MACF1: variants seen among roughly 807,000 people sequenced by gnomAD.
MACF1 encodes microtubule actin crosslinking factor 1, also known as microtubule-actin cross-linking factor 1.
Under a neutral mutation model 854.8 loss-of-function variants are expected in MACF1, and 193 were observed. The ratio of observed to expected loss-of-function variants is 0.23; its 90% CI spans 0.20 to 0.25. The LOEUF is 0.25. MACF1 is among the 10% of genes least tolerant of loss of function. The probability of loss-of-function intolerance (pLI) is 1.00; values close to 1 mark genes in which losing one functional copy is unlikely to be tolerated. For synonymous variants in MACF1, 3,185 were observed against 3,226.7 expected, an observed-to-expected ratio of 0.99 and a Z score of 0.44; for missense variants, 7,722 against 8,929.1, an observed-to-expected ratio of 0.86 and a Z score of 5.45.
At chr1:39,454,516 G>A (rs992271437) in intron 88 of MACF1, among the ~76,000 whole-genome samples, 2 of 152,158 alleles carry the variant, frequency 1.3e-5, no homozygotes, top group Non-Finnish European at 2.9e-5. Context: ...AAGTCATTGT[G>A]TTGGCCGGGA....
intron 2 of MACF1, among the ~76,000 whole-genome samples, chr1:39,194,331 CTTTTCTTTTCTTTTCTTTTCTT>C (rs1557510672): frequency 1.6e-5 from 1 of 63,212 alleles, no homozygotes; most frequent in Non-Finnish European, 3.1e-5. Flanking sequence ...CTTTTCTTTT[CTTTTCTTTTCTTTTCTTTTCTT>C]TTTTTTTTTT....
At chr1:39,310,543 T>A in intron 25 of MACF1, 115 bp downstream of exon 25, 1 of 1,142,612 alleles carries the variant, frequency 8.8e-7, no homozygotes, top group Non-Finnish European at 1.2e-6. Context: ...TCCATTTGAG[T>A]AGCTACGAAC....
chr1:39,238,148 G>A (rs2254449), intron 2 of MACF1, among the ~76,000 whole-genome samples: 8,394 of 152,260 alleles, frequency 0.055, 295 homozygotes, highest in African/African-American at 0.097. Context: ...TCATCTCTTA[G>A]ATGAAGGGAA....
At chr1:39,179,222 C>T (rs967841165) in intron 2 of MACF1, among the ~76,000 whole-genome samples, 14 of 152,324 alleles carry the variant, frequency 9.2e-5, no homozygotes, top group Non-Finnish European at 1.5e-4. Context: ...TGCTCATATT[C>T]CACCCCTTCC....
chr1:39,377,722 G>T (rs1411166204), intron 52 of MACF1, among the ~76,000 whole-genome samples: 3 of 152,118 alleles, frequency 2.0e-5, no homozygotes, highest in African/African-American at 7.2e-5. Context: ...CTGCTTTTTA[G>T]GCCAGGCACG....
In MACF1 at chr1:39,347,040, T is replaced by C; in HGVS notation, c.10645T>C (p.Phe3549Leu). ...QLDALAFDIQ[F>L]FISEHAQDLS... is the part of the protein sequence containing the mutation. ...GGATGCTCTTGCTTTTGATATTCAG[T>C]TCTTTATCTCAGAACATGCCCAGGA... The change falls in exon 41 of 101, where the codon TTC (phenylalanine) becomes CTC (leucine). Residue 3549 changes from phenylalanine (F) to leucine (L), a missense_variant. By Grantham distance (22) the Phe-to-Leu change is conservative (BLOSUM62 0). Around this residue, in one of 15 missense-constraint regions of MACF1, gnomAD observed 854 missense variants for 852.6 expected, o/e 1.00. Transcript: ENST00000564288. The C allele has an allele frequency of 1.2e-6, 2 of 1,614,170 alleles. No individual in the cohort carries two copies. The highest frequency in any genetic ancestry group is 1.3e-5 in the African/African-American group (1 of 75,054).
At chr1:39,118,318 G>A (rs972132892) in intron 2 of MACF1, among the ~76,000 whole-genome samples, 4 of 152,006 alleles carry the variant, frequency 2.6e-5, no homozygotes, top group African/African-American at 9.7e-5. Context: ...CACCTCTAGA[G>A]GGGAAGAATG....
intron 97 of MACF1, among the ~76,000 whole-genome samples, chr1:39,476,528 G>A (rs927624821): frequency 6.6e-6 from 1 of 151,518 alleles, no homozygotes; most frequent in African/African-American, 2.4e-5. Flanking sequence ...CCAAGATTGG[G>A]CCACTGCACT....
intron 2 of MACF1, among the ~76,000 whole-genome samples, chr1:39,187,977 T>TCTCCC (rs71057197): frequency 1.8e-4 from 21 of 118,474 alleles, no homozygotes; most frequent in African/African-American, 6.5e-4. Context: ...TCTCCCCTCC[T>TCTCCC]CTCCCCTCCC....
intron 91 of MACF1, chr1:39,459,892 G>A: frequency 5.6e-6 from 7 of 1,243,528 alleles, no homozygotes; most frequent in Non-Finnish European, 7.5e-6. Context: ...AAGCTTATTG[G>A]GTTCTTGGTG....
At chr1:39,216,246 T>G (rs984889225) in intron 1 of MACF1, among the ~76,000 whole-genome samples, 2 of 152,252 alleles carry the variant, frequency 1.3e-5, no homozygotes, top group African/African-American at 4.8e-5. Context: ...TGTTAAAATA[T>G]CCTTTATTTT....
chr1:39,359,692 C>T (rs1458325076), intron 47 of MACF1, among the ~76,000 whole-genome samples: 6 of 151,678 alleles, frequency 4.0e-5, no homozygotes, highest in Admixed American at 2.6e-4. Context: ...GTATACAGGC[C>T]GGGCGTGGTG....
chr1:39,435,725 C>T lies in MACF1; in HGVS notation c.17952C>T (p.Ala5984=). The stretch of plus-strand genomic sequence containing the variant: ...TAAAGGAGGAGGTGCGCCAGCGAGC[C>T]CTGGCTCTGGATGAAGCCGTGTCCC... The part of the protein sequence containing the change: ...AQIKEEVRQR[A]LALDEAVSQS... The change falls in exon 70 of 101, where the codon GCC becomes GCT. Residue 5984 remains alanine (A), a synonymous_variant. Coordinates refer to ENST00000564288, the MANE Select transcript of MACF1 (RefSeq NM_001394062.1). 1.9e-6 allele frequency: 3 copies of T among 1,614,044 alleles called. No individual in the cohort carries two copies. Among genetic ancestry groups the T allele is most frequent in the Non-Finnish European group, 2.5e-6 (3 of 1,179,992 alleles).
At chr1:39,329,461 C>T (rs1646678366) in intron 36 of MACF1, among the ~76,000 whole-genome samples, 1 of 152,114 alleles carries the variant, frequency 6.6e-6, no homozygotes, top group African/African-American at 2.4e-5. Context: ...GTTCCTAGAC[C>T]TTCATGGACA....
intron 69 of MACF1, 27 bp from the exon 70 acceptor site, chr1:39,435,531 T>A: frequency 6.4e-7 from 1 of 1,571,508 alleles, no homozygotes; most frequent in Admixed American, 1.7e-5. Flanking sequence ...AAAGTACTCA[T>A]TATGGTTTAA....
At chr1:39,232,746 G>GTTTT (rs10712180) in intron 2 of MACF1, among the ~76,000 whole-genome samples, 328 of 128,258 alleles carry the variant, frequency 2.6e-3, no homozygotes, top group Non-Finnish European at 3.9e-3. Flanking sequence ...TACTCTCTTT[G>GTTTT]TTTTTTTTTT....
chr1:39,479,998 A>T lies in MACF1; in HGVS notation c.22159A>T (p.Ser7387Cys). The change falls in exon 98 of 101, where the codon AGT (serine) becomes TGT (cysteine). Residue 7387 changes from serine (S) to cysteine (C), a missense_variant. By Grantham distance (112) the Ser-to-Cys change is moderately radical. Transcript: ENST00000564288. ...SMPSSPATPA[S>C]GTKTSLQFSR... is the part of the protein sequence containing the mutation. ...GCCATCTTCTCCAGCCACCCCAGCC[A>T]GTGGAACCAAGGTATGTACTGATCT... 1 of 1,578,576 alleles carries T rather than the reference A, an allele frequency of 6.3e-7. No individual in the cohort carries two copies. Among genetic ancestry groups the T allele is most frequent in the Non-Finnish European group, 8.6e-7 (1 of 1,157,010 alleles).
At chr1:39,433,689 G>C (rs1436603302) in intron 68 of MACF1, among the ~76,000 whole-genome samples, 1 of 152,110 alleles carries the variant, frequency 6.6e-6, no homozygotes, top group Non-Finnish European at 1.5e-5. Context: ...GGTTTCTGGA[G>C]ACTTTTTTTT....
intron 97 of MACF1, among the ~76,000 whole-genome samples, chr1:39,477,046 T>C (rs1051462723): frequency 1.9e-4 from 1 of 5,352 alleles, no homozygotes; most frequent in African/African-American, 7.1e-4. Flanking sequence ...ACACTTAGTG[T>C]ATATATATAT....
Sources: gnomAD v4.1 joint callset for allele counts (sites outside exome capture counted in the v4.1 genomes callset) on GRCh38, gnomAD v4.1.1 for gene constraint, gnomAD v4.1.1 regional missense constraint, MANE v1.5 for transcripts, NCBI Gene and HGNC (gene_info 2026-07-23, HGNC 2026-07-21) for gene names.